Variants in ATP13A1 observed in about 807,000 individuals in gnomAD.
ATP13A1 encodes the protein ATPase 13A1.
ATP13A1 carries 55 observed loss-of-function variants against 134.8 expected under a neutral mutation model. The observed-to-expected ratio is 0.41, with a 90% CI of 0.33 to 0.51. The LOEUF is 0.51. Among genes scored for constraint, ATP13A1 ranks in the 20% least tolerant of loss-of-function variants. ATP13A1 has a pLI of 0.29. For missense variants in ATP13A1, 1,389 were observed against 1,652.8 expected (o/e 0.84, Z 2.77); for synonymous variants, 775 against 725.1 (o/e 1.07, Z -1.10).
chr19:19,647,279 T>C lies in ATP13A1; in HGVS notation c.2955A>G (p.Leu985=). The change falls in exon 22 of 26, where the codon CTA becomes CTG. Residue 985 remains leucine (L), a synonymous_variant. Transcript: ENST00000357324. The surrounding 1 kb of genome is among the most constrained non-coding windows in gnomAD (Gnocchi z 4.8). The part of the protein sequence containing the change: ...KQGRCTLVTT[L]QMFKILALNA... Reference sequence around the variant, plus strand: ...TGAGCGCCAGGATCTTGAACATCTGTAGCGTGGTCACCAGCGTGCAGCGGC... The same window carrying C: ...TGAGCGCCAGGATCTTGAACATCTGCAGCGTGGTCACCAGCGTGCAGCGGC... The C allele has an allele frequency of 6.2e-7, 1 of 1,613,414 alleles. No homozygotes were observed. The highest frequency in any genetic ancestry group is 8.5e-7 in the Non-Finnish European group (1 of 1,179,804).
chr19:19,654,645 G>A lies in ATP13A1; in HGVS notation c.1711C>T (p.Leu571=). 1 of 1,613,634 alleles carries A rather than the reference G, an allele frequency of 6.2e-7. No homozygotes were observed. Among genetic ancestry groups the A allele is most frequent in the South Asian group, 1.1e-5 (1 of 91,090 alleles). Residue 571 remains leucine, a synonymous_variant, in exon 13 of 26, where the codon CTG becomes TTG. Coordinates refer to ENST00000357324, the MANE Select transcript of ATP13A1 (RefSeq NM_020410.3). ...SSIPVETHRA[L]ASCHSLMQLD... is the part of the protein sequence containing the mutation. ...TGCATGAGCGAGTGGCACGAGGCCAGGGCCCGGTGTGTTTCTACAGGGATG... is the reference window on the plus strand; with the variant it reads ...TGCATGAGCGAGTGGCACGAGGCCAAGGCCCGGTGTGTTTCTACAGGGATG...
chr19:19,663,112 A>T (rs1269502558), intron 1 of ATP13A1, 159 bp downstream of exon 1: 1 of 1,078,784 alleles, frequency 9.3e-7, no homozygotes, highest in Non-Finnish European at 1.4e-6. Flanking sequence ...CAGTGGGGTC[A>T]TGATTAAGCC....
chr19:19,662,682 A>T (rs911699769), intron 1 of ATP13A1, among the ~76,000 whole-genome samples: 1 of 152,172 alleles, frequency 6.6e-6, no homozygotes, highest in African/African-American at 2.4e-5. Flanking sequence ...TTGCGGAAAG[A>T]CATCATGTAA....
chr19:19,662,822 C>G (rs1599440727), intron 1 of ATP13A1, among the ~76,000 whole-genome samples: 1 of 152,188 alleles, frequency 6.6e-6, no homozygotes, highest in Admixed American at 6.5e-5. Context: ...TAAGAACCAA[C>G]TAAGCTTCAT....
At chr19:19,654,434 G>A (rs1011094470) in intron 13 of ATP13A1, 109 bp downstream of exon 13, 10 of 1,348,426 alleles carry the variant, frequency 7.4e-6, no homozygotes, top group Admixed American at 2.6e-5. Flanking sequence ...GAGCATCAGA[G>A]CTGTAGGCCT....
In ATP13A1 at chr19:19,657,493, T is replaced by C. The variant is rs1026302796; in HGVS notation, c.678-85A>G. ...CACCCTGACCCCTCCAACCTGAGCA[T>C]GGCAGGCCGCTCTCAAGAAACCAAG... On this transcript the variant is annotated intron_variant, in intron 3 of 25. Transcript: ENST00000357324. 7 of 1,341,884 alleles carry C rather than the reference T, an allele frequency of 5.2e-6. No homozygotes were observed. In the African/African-American group the frequency reaches 7.4e-5, roughly 14 times the overall value. The allele number at this position is 1,341,884 out of a possible 1,614,324, so 83.1% of individuals were successfully genotyped here. A position where few individuals can be genotyped will look rare whatever the true frequency, so the allele number is the denominator to read the frequency against.
chr19:19,650,199 C>A, intron 17 of ATP13A1: 1 of 570,746 alleles, frequency 1.8e-6, no homozygotes, highest in Non-Finnish European at 3.1e-6. Flanking sequence ...CCTGGGCAGT[C>A]TGACCCCAGC....
Position 19,654,014 on chromosome 19 carries a change from G to A in ATP13A1, c.1944C>T (p.Cys648=). The A allele has an allele frequency of 6.3e-7, 1 of 1,599,064 alleles. No homozygotes were observed. ...SYEKLGSTDL[C]YIAAVKGAPE... The stretch of plus-strand genomic sequence containing the variant: ...GGGCCCCCTTCACGGCCGCGATGTA[G>A]CAGAGGTCGGTGGAGCCCAGCTTCT... Residue 648 remains cysteine, a synonymous_variant, in exon 14 of 26, where the codon TGC becomes TGT. Transcript: ENST00000357324.
intron 18 of ATP13A1, 32 bp downstream of exon 18, chr19:19,649,709 T>C (rs1180249160): frequency 1.2e-6 from 2 of 1,613,296 alleles, no homozygotes; most frequent in South Asian, 2.2e-5. Context: ...TGCCTACCGC[T>C]GTGCCCCTGA....
At chr19:19,660,425 G>T (rs572106985) in intron 1 of ATP13A1, 83 of 175,848 alleles carry the variant, frequency 4.7e-4, no homozygotes, top group Non-Finnish European at 8.8e-4. Flanking sequence ...AGGTTGCAGT[G>T]AACTGAGATT....
chr19:19,651,606 G>T, intron 17 of ATP13A1, 83 bp downstream of exon 17: 1 of 1,104,506 alleles, frequency 9.1e-7, no homozygotes. Flanking sequence ...CTGAGGCCTG[G>T]TACACAGGTG....
Position 19,663,480 on chromosome 19 carries a change from G to T in ATP13A1, c.187C>A (p.Arg63=). ...VWPYRRLALL[R]RLTVLPFAGL... ...GCGAATGGCAGCACCGTGAGGCGCC[G>T]CAACAGCGCCAACCGCCGGTACGGC... is the stretch of plus-strand genomic sequence containing the variant. Residue 63 remains arginine (R), a synonymous_variant, in exon 1 of 26, where the codon CGG becomes AGG. Transcript: ENST00000357324. 2 of 1,536,596 alleles carry T rather than the reference G, an allele frequency of 1.3e-6. No individual in the cohort carries two copies. Among genetic ancestry groups the T allele is most frequent in the Non-Finnish European group, 1.7e-6 (2 of 1,145,732 alleles).
chr19:19,662,119 C>T (rs763744200), intron 1 of ATP13A1: 1 of 1,566,238 alleles, frequency 6.4e-7, no homozygotes, highest in East Asian at 2.4e-5. Flanking sequence ...TTCTCCATCC[C>T]TGGAGAGGAA....
Position 19,655,595 on chromosome 19 carries a change from C to G in ATP13A1, c.1329G>C (p.Glu443Asp). 1.9e-6 allele frequency: 3 copies of G among 1,613,930 alleles called. No individual in the cohort carries two copies. Among genetic ancestry groups the G allele is most frequent in the Non-Finnish European group, 2.5e-6 (3 of 1,179,876 alleles). ...GGAGGAAGAGGATGAAGATGAAGGT[C>G]TCCAGGTTGTTCGCAGTCACCCTCT... is the stretch of plus-strand genomic sequence containing the variant. ...GVKRVTANNL[E>D]TFIFILFLLV... is the part of the protein sequence containing the mutation. Residue 443 changes from glutamate to aspartate, a missense_variant, in exon 10 of 26, where the codon GAG (glutamate) becomes GAC (aspartate). Physicochemically the swap from Glu to Asp is conservative, Grantham distance 45 (BLOSUM62 2). This residue lies in a region of ATP13A1 where 747 missense variants were observed against 956.1 expected (regional missense o/e 0.78). Coordinates refer to ENST00000357324, the MANE Select transcript of ATP13A1 (RefSeq NM_020410.3). This position sits in a 1 kb window ranked among gnomAD's most constrained non-coding sequence, Gnocchi z 5.7.
chr19:19,663,382 C>T lies in ATP13A1; in HGVS notation c.285G>A (p.Gln95=). The part of the protein sequence containing the change: ...GCWGWGSSWV[Q]IPEAALLVLA... ...GCACGAGCAGCGCAGCTTCGGGGAT[C>T]TGCACCCAACTGCTGCCCCAGCCCC... Residue 95 remains glutamine, a synonymous_variant, in exon 1 of 26, where the codon CAG becomes CAA. Coordinates refer to ENST00000357324, the MANE Select transcript of ATP13A1 (RefSeq NM_020410.3). The T allele has an allele frequency of 6.3e-7, 1 of 1,586,766 alleles. No individual in the cohort carries two copies. The highest frequency in any genetic ancestry group is 1.7e-4 in the Middle Eastern group (1 of 6,032).
In ATP13A1 at chr19:19,659,781, C is replaced by T. The variant is rs1207868695; in HGVS notation, c.497G>A (p.Gly166Glu). 6.2e-7 allele frequency: 1 copy of T among 1,613,702 alleles called. No individual in the cohort carries two copies. Among genetic ancestry groups the T allele is most frequent in the Admixed American group, 1.7e-5 (1 of 59,994 alleles). Residue 166 changes from glycine to glutamate, a missense_variant, in exon 3 of 26, where the codon GGG becomes GAG. Physicochemically the swap from Gly to Glu is moderately conservative, Grantham distance 98. This residue lies in a region of ATP13A1 where 293 missense variants were observed against 270.8 expected (regional missense o/e 1.08). Coordinates refer to ENST00000357324, the MANE Select transcript of ATP13A1 (RefSeq NM_020410.3). The stretch of plus-strand genomic sequence containing the variant: ...GAATTCGAAGGACAGCACCTCAAGC[C>T]CGTCTTCGCCCTGCGGTAGAAGGTG... ...VALHRNEGED[G>E]LEVLSFEFQK...
chr19:19,655,022 C>G lies in ATP13A1; in HGVS notation c.1655+97G>C, dbSNP rs544732185. 1.6e-4 allele frequency: 241 copies of G among 1,528,768 alleles called. No homozygotes were observed. The highest frequency in any genetic ancestry group is 2.0e-4 in the Admixed American group (10 of 50,674). 94.7% of individuals were successfully genotyped at this position (1,528,768 alleles called of 1,614,324 possible). A position where few individuals can be genotyped will look rare whatever the true frequency, so the allele number is the denominator to read the frequency against. On this transcript the variant is annotated intron_variant, in intron 12 of 25. Transcript: ENST00000357324. The surrounding 1 kb of genome is among the most constrained non-coding windows in gnomAD (Gnocchi z 5.7). ...ACCCGAGGCAGGGCCTCTGACGGGCCCTCACTGCAAGGGCTTGGGGTGGAT... is the reference window on the plus strand; with the variant it reads ...ACCCGAGGCAGGGCCTCTGACGGGCGCTCACTGCAAGGGCTTGGGGTGGAT...
In ATP13A1 at chr19:19,655,997, C is replaced by G; in HGVS notation, c.1213+57G>C. The G allele has an allele frequency of 6.2e-7, 1 of 1,611,696 alleles. No homozygotes were observed. The highest frequency in any genetic ancestry group is 8.5e-7 in the Non-Finnish European group (1 of 1,179,472). On this transcript the variant is annotated intron_variant, in intron 8 of 25. Transcript: ENST00000357324. The surrounding 1 kb of genome is among the most constrained non-coding windows in gnomAD (Gnocchi z 5.7). ...TCGTCCTGACTCCCTCATGATCAAG[C>G]AGACGGGCAAAGGGGGTGGAAGCCC...
chr19:19,656,739 G>A lies in ATP13A1; in HGVS notation c.1004C>T (p.Pro335Leu), dbSNP rs759381799. 9.9e-6 allele frequency: 16 copies of A among 1,613,646 alleles called. No homozygotes were observed. The Admixed American group carries it at 1.8e-4, about 18-fold the overall frequency. The change falls in exon 7 of 26, where the codon CCA (proline) becomes CTA (leucine). Residue 335 changes from proline to leucine, a missense_variant. Transcript: ENST00000357324. The surrounding 1 kb of genome is among the most constrained non-coding windows in gnomAD (Gnocchi z 4.6). The stretch of plus-strand genomic sequence containing the variant: ...GCCTCGCAGCAGAAGCACGTCACAT[G>A]GCACCAGGTTCTCCTGTGGGGAGCG... Reference protein sequence around the residue: ...IGRSPQENLVPCDVLLLRGRC... With the variant: ...IGRSPQENLVLCDVLLLRGRC...
Sources: gnomAD v4.1 joint callset for allele counts (sites outside exome capture counted in the v4.1 genomes callset) on GRCh38, gnomAD v4.1.1 for gene constraint, gnomAD v4.1.1 regional missense constraint, Gnocchi (gnomAD v3.1) non-coding constraint, MANE v1.5 for transcripts, NCBI Gene and HGNC (gene_info 2026-07-23, HGNC 2026-07-21) for gene names.